NPFFR2: variants seen among roughly 807,000 people sequenced by gnomAD.
The protein encoded by NPFFR2 is neuropeptide FF receptor 2, also known as G-protein coupled receptor 74.
Under a neutral mutation model 13.1 loss-of-function variants are expected in NPFFR2, and 15 were observed. The observed-to-expected ratio is 1.15, with a 90% CI of 0.77 to 1.76. NPFFR2 has a LOEUF of 1.76. Ranked by LOEUF, NPFFR2 falls within the 40% of genes most tolerant of loss-of-function variation. The pLI is 0.00. For synonymous variants in NPFFR2, 190 were observed against 175.7 expected, an observed-to-expected ratio of 1.08 and a Z score of -0.65; for missense variants, 572 against 503.5, an observed-to-expected ratio of 1.14 and a Z score of -1.30.
chr4:72,091,176 C>G (rs561118142), intron 1 of NPFFR2, among the ~76,000 whole-genome samples: 3 of 152,044 alleles, frequency 2.0e-5, no homozygotes, highest in Non-Finnish European at 4.4e-5. Context: ...CATCCCTGGT[C>G]TGAAACCCAC....
intron 1 of NPFFR2, among the ~76,000 whole-genome samples, chr4:72,110,433 A>G (rs1471091988): frequency 6.6e-6 from 1 of 151,908 alleles, no homozygotes; most frequent in Non-Finnish European, 1.5e-5. Flanking sequence ...GTATGCAGTG[A>G]TTCCCTTCTG....
chr4:72,122,885 C>A (rs1036975320), intron 1 of NPFFR2, among the ~76,000 whole-genome samples: 1 of 151,966 alleles, frequency 6.6e-6, no homozygotes. Context: ...TAGCAGAAGA[C>A]AAGAAATAAC....
chr4:72,131,430 A>C (rs964925618), intron 2 of NPFFR2, among the ~76,000 whole-genome samples: 1 of 120,856 alleles, frequency 8.3e-6, no homozygotes, highest in Non-Finnish European at 1.6e-5. Context: ...GGAATATCAC[A>C]CTCTGGGGAC....
intron 1 of NPFFR2, among the ~76,000 whole-genome samples, chr4:72,112,475 G>C (rs1314234860): frequency 1.3e-5 from 2 of 151,900 alleles, no homozygotes; most frequent in African/African-American, 2.4e-5. Flanking sequence ...TGCATTACCT[G>C]AGCTGGCAGG....
chr4:72,054,861 C>T (rs986057749), intron 1 of NPFFR2, among the ~76,000 whole-genome samples: 1 of 151,814 alleles, frequency 6.6e-6, no homozygotes, highest in Non-Finnish European at 1.5e-5. Flanking sequence ...AGAGTTCTGT[C>T]TTCATGAAAA....
chr4:72,101,900 A>G (rs1215049043), intron 1 of NPFFR2, among the ~76,000 whole-genome samples: 1 of 152,106 alleles, frequency 6.6e-6, no homozygotes, highest in East Asian at 1.9e-4. Context: ...GAAAAATCAA[A>G]ATAAACATAC....
intron 1 of NPFFR2, among the ~76,000 whole-genome samples, chr4:72,041,406 C>T (rs750613309): frequency 6.4e-4 from 97 of 152,094 alleles, no homozygotes; most frequent in Non-Finnish European, 3.5e-4. Flanking sequence ...TGTTGATGAA[C>T]GCCTGGGTTG....
intron 1 of NPFFR2, among the ~76,000 whole-genome samples, chr4:72,041,482 A>G (rs1719218616): frequency 1.3e-5 from 2 of 152,328 alleles, no homozygotes; most frequent in African/African-American, 4.8e-5. Flanking sequence ...TCTTCTTGGT[A>G]GAATGATTTA....
At chr4:72,073,270 T>G (rs1720317656) in intron 1 of NPFFR2, among the ~76,000 whole-genome samples, 1 of 152,024 alleles carries the variant, frequency 6.6e-6, no homozygotes. Flanking sequence ...ATGATGTAAT[T>G]ATTACATATT....
chr4:72,065,199 T>G (rs573746564), intron 1 of NPFFR2, among the ~76,000 whole-genome samples: 15 of 152,214 alleles, frequency 9.9e-5, no homozygotes, highest in African/African-American at 3.1e-4. Flanking sequence ...AAAAATTATT[T>G]TTGAATGAAA....
intron 1 of NPFFR2, among the ~76,000 whole-genome samples, chr4:72,079,929 G>C (rs536400446): frequency 2.0e-5 from 3 of 152,172 alleles, no homozygotes; most frequent in Non-Finnish European, 4.4e-5. Context: ...ACATTTTTGT[G>C]CTTTTAAAGG....
chr4:72,032,166 C>T lies in NPFFR2; in HGVS notation c.-42C>T, dbSNP rs777311506. Reference sequence around the variant, plus strand: ...TTGCTGCAGACGGGCTTGGTGGATTCTGGTTCCTGCCGCCGACAGGGCTCG... The same window carrying T: ...TTGCTGCAGACGGGCTTGGTGGATTTTGGTTCCTGCCGCCGACAGGGCTCG... On this transcript the variant is annotated 5_prime_UTR_variant, in exon 1 of 4. Transcript: ENST00000308744. 25 of 1,612,486 alleles carry T rather than the reference C, an allele frequency of 1.6e-5. No individual in the cohort carries two copies. The highest frequency in any genetic ancestry group is 2.0e-5 in the Non-Finnish European group (24 of 1,178,994).
At chr4:72,058,809 A>T (rs1289798488) in intron 1 of NPFFR2, among the ~76,000 whole-genome samples, 1 of 151,964 alleles carries the variant, frequency 6.6e-6, no homozygotes. Context: ...TTGGATCTTC[A>T]TGATTTTAAG....
At chr4:72,033,489 C>T (rs1448290680) in intron 1 of NPFFR2, among the ~76,000 whole-genome samples, 2 of 152,074 alleles carry the variant, frequency 1.3e-5, no homozygotes, top group Non-Finnish European at 2.9e-5. Flanking sequence ...TAACATGTTA[C>T]TCATATATCA....
chr4:72,071,425 C>G (rs1720251786), intron 1 of NPFFR2, among the ~76,000 whole-genome samples: 1 of 152,118 alleles, frequency 6.6e-6, no homozygotes, highest in Non-Finnish European at 1.5e-5. Context: ...AGAGTGGATT[C>G]TTGGAAGATG....
At chr4:72,069,121 TA>T in intron 1 of NPFFR2, 1 of 446,098 alleles carries the variant, frequency 2.2e-6, no homozygotes, top group Middle Eastern at 3.1e-4. Flanking sequence ...AGCATAACAG[TA>T]ATGCTAAGCC....
intron 1 of NPFFR2, among the ~76,000 whole-genome samples, chr4:72,125,022 A>G (rs1350892051): frequency 6.6e-6 from 1 of 152,016 alleles, no homozygotes; most frequent in East Asian, 1.9e-4. Flanking sequence ...CAATCTATCC[A>G]TCTATCCATC....
At chr4:72,146,404 T>C (rs1205771092) in intron 3 of NPFFR2, 1 of 152,146 alleles carries the variant, frequency 6.6e-6, no homozygotes, top group African/African-American at 2.4e-5. Flanking sequence ...AAGCTTCTGC[T>C]TGCATCATGT....
At chr4:72,127,706 G>A (rs899468573) in intron 1 of NPFFR2, among the ~76,000 whole-genome samples, 1 of 151,980 alleles carries the variant, frequency 6.6e-6, no homozygotes. Flanking sequence ...ATTATGCTAA[G>A]TGAAACCAAG....
Sources: gnomAD v4.1 joint callset for allele counts (sites outside exome capture counted in the v4.1 genomes callset) on GRCh38, gnomAD v4.1.1 for gene constraint, MANE v1.5 for transcripts, NCBI Gene and HGNC (gene_info 2026-07-23, HGNC 2026-07-21) for gene names.